Variants in KIAA1671 observed in about 807,000 individuals in gnomAD.
KIAA1671 encodes uncharacterized protein KIAA1671.
In KIAA1671, 52 loss-of-function variants were observed where a neutral mutation model predicts 131.2. The observed-to-expected ratio is 0.40, with a 90% CI of 0.32 to 0.50. KIAA1671 has a LOEUF of 0.50. KIAA1671 is among the 20% of genes least tolerant of loss of function. The pLI is 0.73. For missense variants in KIAA1671, 2,360 were observed against 2,364.2 expected (o/e 1.00, Z 0.04); for synonymous variants, 1,003 against 961.6 (o/e 1.04, Z -0.80).
intron 6 of KIAA1671, among the ~76,000 whole-genome samples, chr22:25,148,053 C>G (rs964060451): frequency 9.0e-5 from 12 of 133,216 alleles, no homozygotes; most frequent in Non-Finnish European, 1.4e-4. Context: ...TCTCTCTTCT[C>G]TCTTTTTTTT....
intron 9 of KIAA1671, 117 bp downstream of exon 9, chr22:25,177,639 C>T (rs1934085179): frequency 2.4e-6 from 2 of 835,216 alleles, no homozygotes; most frequent in Admixed American, 6.1e-5. Context: ...AACACAATTA[C>T]ATAGGAAACT....
intron 6 of KIAA1671, among the ~76,000 whole-genome samples, chr22:25,075,188 T>A (rs1184363729): frequency 6.6e-6 from 1 of 152,158 alleles, no homozygotes; most frequent in Admixed American, 6.5e-5. Context: ...CATGTTTGAT[T>A]GTCACAGCTG....
chr22:25,188,162 G>A (rs7291857), intron 11 of KIAA1671, among the ~76,000 whole-genome samples: 4,402 of 152,232 alleles, frequency 0.029, 196 homozygotes, highest in African/African-American at 0.1. Flanking sequence ...TTAGCCGGAT[G>A]TGGTGGCGGG....
chr22:25,024,624 G>T (rs936586366), intron 1 of KIAA1671: 2 of 152,184 alleles, frequency 1.3e-5, no homozygotes, highest in African/African-American at 2.4e-5. Context: ...TGAGACTCAT[G>T]GTATCTGGAC....
intron 6 of KIAA1671, among the ~76,000 whole-genome samples, chr22:25,149,794 A>G (rs1932974449): frequency 6.6e-6 from 1 of 151,752 alleles, no homozygotes; most frequent in African/African-American, 2.4e-5. Context: ...TGGAGTGGTA[A>G]TTCTGTTATA....
chr22:25,173,302 T>G (rs1933913341), intron 7 of KIAA1671, among the ~76,000 whole-genome samples: 1 of 152,194 alleles, frequency 6.6e-6, no homozygotes, highest in African/African-American at 2.4e-5. Flanking sequence ...TCACCAACCC[T>G]AACTTGTAGG....
At chr22:24,983,260 T>A (rs1258476788) in intron 1 of KIAA1671, among the ~76,000 whole-genome samples, 1 of 152,174 alleles carries the variant, frequency 6.6e-6, no homozygotes, top group Non-Finnish European at 1.5e-5. Flanking sequence ...CCGACTTTCT[T>A]GAGGCTAATA....
At chr22:25,128,555 T>C (rs578044626) in intron 6 of KIAA1671, among the ~76,000 whole-genome samples, 24 of 152,314 alleles carry the variant, frequency 1.6e-4, no homozygotes, top group African/African-American at 5.3e-4. Flanking sequence ...GTGGGTCTGT[T>C]GTGGTCCAGT....
chr22:25,149,066 C>T (rs147048055), intron 6 of KIAA1671, among the ~76,000 whole-genome samples: 2 of 150,922 alleles, frequency 1.3e-5, no homozygotes, highest in East Asian at 3.9e-4. Flanking sequence ...TTACGAGCAC[C>T]GTAACAATCA....
At chr22:25,127,370 G>C (rs1041447109) in intron 6 of KIAA1671, among the ~76,000 whole-genome samples, 11 of 152,200 alleles carry the variant, frequency 7.2e-5, no homozygotes, top group Middle Eastern at 3.2e-3. Context: ...TGTTTTAAGA[G>C]GGTTAAGCCT....
intron 5 of KIAA1671, among the ~76,000 whole-genome samples, chr22:25,043,847 T>C (rs1218238049): frequency 6.6e-6 from 1 of 152,062 alleles, no homozygotes; most frequent in Non-Finnish European, 1.5e-5. Context: ...CTGTGTGATG[T>C]GGCATCAGCA....
At chr22:25,030,508 C>G (rs1273303149) in intron 3 of KIAA1671, among the ~76,000 whole-genome samples, 2 of 151,538 alleles carry the variant, frequency 1.3e-5, no homozygotes, top group African/African-American at 4.8e-5. Context: ...CCACTCCAGC[C>G]TGGACAACAG....
At chr22:24,961,550 G>A (rs1357707628) in intron 1 of KIAA1671, among the ~76,000 whole-genome samples, 2 of 152,196 alleles carry the variant, frequency 1.3e-5, no homozygotes, top group African/African-American at 4.8e-5. Context: ...CTTTGGATTG[G>A]GTTCAGGTCT....
rs901456577 is a variant in KIAA1671, at chr22:25,027,328, C to A, written c.-55-617C>A. Among the ~76,000 whole-genome samples, 18 of 152,240 alleles carry A rather than the reference C, an allele frequency of 1.2e-4. 1 individual carries two copies. The East Asian group carries it at 3.5e-3, about 29-fold the overall frequency. On this transcript the variant is annotated intron_variant, in intron 2 of 12. Coordinates refer to ENST00000358431, the MANE Select transcript of KIAA1671 (RefSeq NM_001145206.2). ...CAAGGTCACTAACCAGCTTTGTGCT[C>A]CCAGGCACTCCTGAGCTGCATTGCT...
chr22:24,967,308 A>T (rs1922349932), intron 1 of KIAA1671, among the ~76,000 whole-genome samples: 1 of 152,150 alleles, frequency 6.6e-6, no homozygotes, highest in Non-Finnish European at 1.5e-5. Flanking sequence ...TTTACAGTTG[A>T]GGAAACGGAG....
chr22:25,152,721 G>C (rs1933090550), intron 6 of KIAA1671, among the ~76,000 whole-genome samples: 1 of 152,248 alleles, frequency 6.6e-6, no homozygotes, highest in Admixed American at 6.5e-5. Flanking sequence ...TCCTGCCTCA[G>C]CCTCCTGAGT....
intron 6 of KIAA1671, among the ~76,000 whole-genome samples, chr22:25,146,777 G>A (rs568930622): frequency 6.6e-6 from 1 of 152,318 alleles, no homozygotes; most frequent in South Asian, 2.1e-4. Context: ...CTCACCAAAG[G>A]ATCTTGCATG....
chr22:24,994,804 A>G (rs1315569717), intron 1 of KIAA1671, among the ~76,000 whole-genome samples: 1 of 152,082 alleles, frequency 6.6e-6, no homozygotes, highest in Non-Finnish European at 1.5e-5. Flanking sequence ...CCTTTTAAGA[A>G]TGAACTGTAT....
chr22:25,084,126 G>A (rs1349108466), intron 6 of KIAA1671, among the ~76,000 whole-genome samples: 3 of 152,236 alleles, frequency 2.0e-5, no homozygotes, highest in Non-Finnish European at 4.4e-5. Context: ...GCCAAGTTTA[G>A]TGTGGTCAGG....
Sources: allele counts gnomAD v4.1 joint callset (sites outside exome capture counted in the v4.1 genomes callset), GRCh38; gene constraint gnomAD v4.1.1; transcripts MANE v1.5; gene names NCBI Gene and HGNC (gene_info 2026-07-23, HGNC 2026-07-21).